Variants in NEB observed in about 807,000 individuals in gnomAD.
The protein encoded by NEB is nemaline myopathy type 2.
Under a neutral mutation model 952.2 loss-of-function variants are expected in NEB, and 512 were observed. The ratio of observed to expected loss-of-function variants is 0.54; its 90% CI spans 0.50 to 0.58. The LOEUF is 0.58. NEB is among the 20% of genes least tolerant of loss of function. The pLI is 0.00. For missense variants in NEB, 8,428 were observed against 9,231.1 expected (o/e 0.91, Z 3.56); for synonymous variants, 2,900 against 3,149.8 (o/e 0.92, Z 2.66).
chr2:151,683,087 A>C (rs1253258882), intron 28 of NEB, among the ~76,000 whole-genome samples: 7 of 152,208 alleles, frequency 4.6e-5, no homozygotes, highest in African/African-American at 1.7e-4. Flanking sequence ...AGTTAACCAA[A>C]TGTGAGACGT....
chr2:151,694,448 T>TCA lies in NEB; in HGVS notation c.1783-14_1783-13dup. The TCA allele has an allele frequency of 1.2e-6, 2 of 1,612,920 alleles. No individual in the cohort carries two copies. The highest frequency in any genetic ancestry group is 1.7e-6 in the Non-Finnish European group (2 of 1,178,936). On this transcript the variant is annotated splice_polypyrimidine_tract_variant and intron_variant, in intron 19 of 181. Transcript: ENST00000397345. Reference sequence around the variant, plus strand: ...TTCTTGTACATCACCTGCAAAGACATCACACATGCCAGATTCCACTCAAGA... The same window carrying TCA: ...TTCTTGTACATCACCTGCAAAGACATCACACACATGCCAGATTCCACTCAAGA...
rs1359883456 is a variant in NEB at position 151,568,431 on chromosome 2, A to AC, written c.17635-15_17635-14insG. On this transcript the variant is annotated splice_polypyrimidine_tract_variant and intron_variant, in intron 111 of 181. Coordinates refer to ENST00000397345, the MANE Select transcript of NEB (RefSeq NM_001164508.2). ...CCGGTATTTAATCTAAAAAAAAAAAAATGAGAGGCAAGGGGGCAAGTTACT... is the reference window on the plus strand; with the variant it reads ...CCGGTATTTAATCTAAAAAAAAAAAACATGAGAGGCAAGGGGGCAAGTTACT... The AC allele has an allele frequency of 9.3e-6, 15 of 1,604,390 alleles. No individual in the cohort carries two copies. The highest frequency in any genetic ancestry group is 1.3e-5 in the Non-Finnish European group (15 of 1,172,002).
rs745620924 is a variant in NEB, at chr2:151,666,108, G to T, written c.5013C>A (p.Ala1671=). The T allele has an allele frequency of 6.2e-7, 1 of 1,612,694 alleles. No individual in the cohort carries two copies. Among genetic ancestry groups the T allele is most frequent in the East Asian group, 2.2e-5 (1 of 44,864 alleles). The stretch of plus-strand genomic sequence containing the variant: ...TACATACATCACTCTGAATCTGCAT[G>T]GCATTCCTGGAGTGCTCCACATTCA... ...DALNVEHSRN[A]MQIQSDNLYK... The change falls in exon 41 of 182, where the codon GCC becomes GCA. Residue 1671 remains alanine, a synonymous_variant. Transcript: ENST00000397345.
chr2:151,727,026 T>C (rs2099793468), intron 5 of NEB, among the ~76,000 whole-genome samples: 1 of 149,608 alleles, frequency 6.7e-6, no homozygotes, highest in Non-Finnish European at 1.5e-5. Flanking sequence ...TGATCCAGCC[T>C]GGGCTACAGA....
At chr2:151,623,554 T>A (rs1366246441) in intron 71 of NEB, among the ~76,000 whole-genome samples, 3 of 152,162 alleles carry the variant, frequency 2.0e-5, no homozygotes, top group South Asian at 2.1e-4. Context: ...TAATATTTTT[T>A]AATATTTTTA....
rs2096145725 is a variant in NEB at position 151,562,687 on chromosome 2, T to C, written c.18815A>G (p.Tyr6272Cys). The C allele has an allele frequency of 3.1e-6, 5 of 1,605,482 alleles. No homozygotes were observed. Among genetic ancestry groups the C allele is most frequent in the Non-Finnish European group, 4.3e-6 (5 of 1,174,156 alleles). The change falls in exon 120 of 182, where the codon TAT (tyrosine) becomes TGT (cysteine). Residue 6272 changes from tyrosine (Y) to cysteine (C), a missense_variant. Coordinates refer to ENST00000397345, the MANE Select transcript of NEB (RefSeq NM_001164508.2). The part of the protein sequence containing the change: ...YILSDLEYRH[Y>C]FHQWTSLLEE... ...CAGAAGAGACGTCCACTGGTGGAAA[T>C]AGTGTCGATACTCCAGGTCACTGAG...
chr2:151,687,742 G>T lies in NEB; in HGVS notation c.2416-9C>A, dbSNP rs1412433137. The T allele has an allele frequency of 1.3e-6, 2 of 1,566,244 alleles. No homozygotes were observed. Among genetic ancestry groups the T allele is most frequent in the Non-Finnish European group, 1.7e-6 (2 of 1,154,042 alleles). ...TCTTGCTTATAAACATTCTGGACAA[G>T]AAAAATTCAGCAAAGGAATGATAAG... On this transcript the variant is annotated splice_polypyrimidine_tract_variant and intron_variant, in intron 25 of 181. Coordinates refer to ENST00000397345, the MANE Select transcript of NEB (RefSeq NM_001164508.2).
chr2:151,499,804 T>G (rs1237022879), intron 168 of NEB, among the ~76,000 whole-genome samples: 3 of 152,218 alleles, frequency 2.0e-5, no homozygotes, highest in African/African-American at 4.8e-5. Context: ...AATATGGCAA[T>G]TTGGTCCTTG....
chr2:151,610,190 C>T, intron 80 of NEB, 70 bp from the exon 81 acceptor site: 1 of 1,299,288 alleles, frequency 7.7e-7, no homozygotes, highest in Non-Finnish European at 1.1e-6. Context: ...CAATTACAGA[C>T]AACATGAAAT....
At chr2:151,518,483 T>C in intron 155 of NEB, 61 bp from the exon 156 acceptor site, 1 of 1,059,386 alleles carries the variant, frequency 9.4e-7, no homozygotes, top group Non-Finnish European at 1.5e-6. Flanking sequence ...TTCCTATTTT[T>C]CCTCTTTAGA....
chr2:151,604,385 TAAG>T (rs2097604874), intron 85 of NEB, among the ~76,000 whole-genome samples, 172 bp downstream of exon 85: 1 of 92,230 alleles, frequency 1.1e-5, no homozygotes, highest in Admixed American at 9.5e-5. Context: ...CTTGCTACCA[TAAG>T]AAGGAGTCCT....
intron 124 of NEB, among the ~76,000 whole-genome samples, chr2:151,555,318 T>G (rs1213938150): frequency 1.3e-5 from 2 of 152,206 alleles, no homozygotes; most frequent in Non-Finnish European, 2.9e-5. Context: ...AAAATTCCTA[T>G]AGCAATACTA....
intron 107 of NEB, among the ~76,000 whole-genome samples, chr2:151,571,059 G>A (rs1186409198): frequency 1.3e-5 from 2 of 152,012 alleles, no homozygotes; most frequent in Non-Finnish European, 2.9e-5. Context: ...AGGCTGGAGG[G>A]CAATGGCACC....
intron 170 of NEB, 55 bp downstream of exon 170, chr2:151,498,205 G>T (rs1460916073): frequency 1.3e-6 from 2 of 1,549,080 alleles, no homozygotes; most frequent in Non-Finnish European, 8.7e-7. Flanking sequence ...TAAATGTAAA[G>T]ATCAGTTTAA....
At chr2:151,724,427 C>A in intron 7 of NEB, 63 bp from the exon 8 acceptor site, 1 of 1,265,192 alleles carries the variant, frequency 7.9e-7, no homozygotes, top group South Asian at 1.3e-5. Context: ...AGGATTTAAA[C>A]AACAAAGGGA....
intron 161 of NEB, among the ~76,000 whole-genome samples, chr2:151,509,969 C>T (rs2153225924): frequency 6.6e-6 from 1 of 152,320 alleles, no homozygotes; most frequent in South Asian, 2.1e-4. Context: ...ACCAGGCCAA[C>T]TCAAAATTAC....
rs576247324 is a variant in NEB at position 151,577,328 on chromosome 2, T to A, written c.16705-974A>T. 3.3e-4 allele frequency among the ~76,000 whole-genome samples: 51 copies of A among 152,296 alleles called. 1 individual carries two copies. The highest frequency in any genetic ancestry group is 1.2e-3 in the African/African-American group (50 of 41,562). On this transcript the variant is annotated intron_variant, in intron 105 of 181. Coordinates refer to ENST00000397345, the MANE Select transcript of NEB (RefSeq NM_001164508.2). Reference sequence around the variant, plus strand: ...CCCTGTGTGTCCTGATCACACAGCCTGTCTTTCAATTCGTAGTCTCATCAG... The same window carrying A: ...CCCTGTGTGTCCTGATCACACAGCCAGTCTTTCAATTCGTAGTCTCATCAG...
Position 151,680,020 on chromosome 2 carries a change from G to T in NEB, c.3045C>A (p.Ile1015=). ...TTTCCTCTCCTTTGGCTTTGTAAGC[G>T]ATCTGAAAGAGAAAAAAATGCATAA... is the stretch of plus-strand genomic sequence containing the variant. The part of the protein sequence containing the change: ...SKINQAQRSD[I]AYKAKGEEII... Residue 1015 remains isoleucine, a splice_region_variant and synonymous_variant, in exon 31 of 182, where the codon ATC becomes ATA. Coordinates refer to ENST00000397345, the MANE Select transcript of NEB (RefSeq NM_001164508.2). The T allele has an allele frequency of 1.9e-6, 3 of 1,594,478 alleles. No individual in the cohort carries two copies. Among genetic ancestry groups the T allele is most frequent in the East Asian group, 2.2e-5 (1 of 44,812 alleles).
Position 151,568,318 on chromosome 2 carries a change from G to T in NEB, c.17734C>A (p.Gln5912Lys). 1 of 1,613,030 alleles carries T rather than the reference G, an allele frequency of 6.2e-7. No individual in the cohort carries two copies. Among genetic ancestry groups the T allele is most frequent in the South Asian group, 1.1e-5 (1 of 91,006 alleles). Residue 5912 changes from glutamine (Q) to lysine (K), a missense_variant and splice_region_variant, in exon 112 of 182, where the codon CAG (glutamine) becomes AAG (lysine). Gln to Lys is a moderately conservative substitution (Grantham distance 53, BLOSUM62 1). Coordinates refer to ENST00000397345, the MANE Select transcript of NEB (RefSeq NM_001164508.2). ...TAQEAARILD[Q>K]YLYKEGWERQ... is the part of the protein sequence containing the mutation. ...AGGCATGTGGGTGAAACCCATACCT[G>T]GTCCAGTATCCTAGCAGCCTCCTGG...
Sources: allele counts gnomAD v4.1 joint callset (sites outside exome capture counted in the v4.1 genomes callset), GRCh38; gene constraint gnomAD v4.1.1; transcripts MANE v1.5; gene names NCBI Gene and HGNC (gene_info 2026-07-23, HGNC 2026-07-21).